GLG1: variants seen among roughly 807,000 people sequenced by gnomAD.
GLG1 encodes golgi glycoprotein 1.
In GLG1, 38 loss-of-function variants were observed where a neutral mutation model predicts 160.5. The ratio of observed to expected loss-of-function variants is 0.24; its 90% CI spans 0.18 to 0.31. The LOEUF (loss-of-function observed/expected upper bound fraction) is 0.31. Ranked by LOEUF, GLG1 falls within the 10% of genes least tolerant of loss-of-function variation. The pLI is 1.00. For missense variants in GLG1, 1,373 were observed against 1,505.2 expected, an observed-to-expected ratio of 0.91 and a Z score of 1.45; for synonymous variants, 644 against 543.4, an observed-to-expected ratio of 1.19 and a Z score of -2.57.
At chr16:74,502,614 G>A (rs2016446976) in intron 4 of GLG1, among the ~76,000 whole-genome samples, 1 of 151,586 alleles carries the variant, frequency 6.6e-6, no homozygotes, top group Non-Finnish European at 1.5e-5. Context: ...CGCGATCTCG[G>A]CTCACTGCAA....
chr16:74,603,104 ACAACAACAGCAG>A (rs1232506481), intron 1 of GLG1, among the ~76,000 whole-genome samples: 28 of 151,476 alleles, frequency 1.8e-4, no homozygotes, highest in East Asian at 5.8e-4. Context: ...AACAACAACA[ACAACAACAGCAG>A]CAGCAGCAGC....
Position 74,455,752 on chromosome 16 carries a change from G to C in GLG1, c.3372+897C>G, listed in dbSNP as rs143702331. Among the ~76,000 whole-genome samples the C allele has an allele frequency of 9.8e-5, 15 of 152,310 alleles. No homozygotes were observed. The East Asian group carries it at 2.9e-3, about 29-fold the overall frequency. On this transcript the variant is annotated intron_variant, in intron 25 of 25. Coordinates refer to ENST00000422840, the MANE Select transcript of GLG1 (RefSeq NM_001145667.2). ...TATCCCAATATGAGTCAATACAAAA[G>C]CATGGCTCTAAAAACCAGAGGGACT...
intron 3 of GLG1, among the ~76,000 whole-genome samples, chr16:74,506,204 C>G (rs1224897078): frequency 6.9e-6 from 1 of 144,930 alleles, no homozygotes; most frequent in East Asian, 2.1e-4. Context: ...GGATACAAAA[C>G]AAGACTAGTG....
At chr16:74,544,408 G>C (rs1484042884) in intron 1 of GLG1, among the ~76,000 whole-genome samples, 1 of 152,160 alleles carries the variant, frequency 6.6e-6, no homozygotes, top group Non-Finnish European at 1.5e-5. Context: ...CCACCTCCTA[G>C]GTTCACGCGA....
chr16:74,543,339 T>C (rs1567514539), intron 1 of GLG1, among the ~76,000 whole-genome samples: 1 of 152,220 alleles, frequency 6.6e-6, no homozygotes, highest in Non-Finnish European at 1.5e-5. Context: ...CAGTGGCACA[T>C]GCCTGCAGTC....
At chr16:74,566,618 C>CT (rs2018660813) in intron 1 of GLG1, among the ~76,000 whole-genome samples, 1 of 99,836 alleles carries the variant, frequency 1.0e-5, no homozygotes, top group South Asian at 4.1e-4. Flanking sequence ...CTGAGCAGGT[C>CT]TCTTTTTTTC....
intron 1 of GLG1, among the ~76,000 whole-genome samples, chr16:74,574,017 G>A (rs1359494565): frequency 6.6e-6 from 1 of 152,058 alleles, no homozygotes; most frequent in Admixed American, 6.6e-5. Context: ...CTCTTTTTAA[G>A]CTACTGACTC....
intron 2 of GLG1, among the ~76,000 whole-genome samples, chr16:74,529,508 T>C (rs1451119933): frequency 6.6e-6 from 1 of 151,758 alleles, no homozygotes; most frequent in Non-Finnish European, 1.5e-5. Context: ...TATTAGTTAT[T>C]TGAAGTCCTT....
chr16:74,531,973 T>G, intron 2 of GLG1, 148 bp downstream of exon 2: 1 of 397,524 alleles, frequency 2.5e-6, no homozygotes, highest in Non-Finnish European at 4.7e-6. Flanking sequence ...ATTTGTTGAT[T>G]TTACCAGCAT....
chr16:74,463,049 C>T (rs1379569205), intron 20 of GLG1: 1 of 451,012 alleles, frequency 2.2e-6, no homozygotes, highest in Non-Finnish European at 3.9e-6. Context: ...ATTACCCGTA[C>T]ATTCTCCTGG....
chr16:74,561,234 T>C (rs537290401), intron 1 of GLG1, among the ~76,000 whole-genome samples: 1 of 152,348 alleles, frequency 6.6e-6, no homozygotes, highest in South Asian at 2.1e-4. Context: ...GCCCCCAATA[T>C]TGGCACCTAG....
chr16:74,559,998 C>G (rs1176513501), intron 1 of GLG1, among the ~76,000 whole-genome samples: 1 of 152,186 alleles, frequency 6.6e-6, no homozygotes, highest in East Asian at 1.9e-4. Context: ...TCTGTCACAA[C>G]TAAAGAACCA....
intron 7 of GLG1, 151 bp downstream of exon 7, chr16:74,492,806 G>A (rs1597262549): frequency 2.1e-6 from 1 of 475,032 alleles, no homozygotes; most frequent in South Asian, 4.0e-5. Context: ...GCGACAGAGC[G>A]AGAGACTCCG....
At chr16:74,571,660 G>GA (rs995480043) in intron 1 of GLG1, among the ~76,000 whole-genome samples, 38 of 16,988 alleles carry the variant, frequency 2.2e-3, no homozygotes, top group Admixed American at 8.7e-3. Flanking sequence ...TCTCAAAAAG[G>GA]AAAAAAAAAA....
intron 1 of GLG1, among the ~76,000 whole-genome samples, chr16:74,536,369 T>C (rs1022620831): frequency 2.0e-5 from 3 of 152,278 alleles, no homozygotes; most frequent in African/African-American, 4.8e-5. Flanking sequence ...AGTGAAATAA[T>C]GCTCTGAGAT....
At chr16:74,565,407 T>C (rs748038064) in intron 1 of GLG1, among the ~76,000 whole-genome samples, 39 of 152,192 alleles carry the variant, frequency 2.6e-4, no homozygotes, top group Non-Finnish European at 5.0e-4. Flanking sequence ...AGCTGCCTTC[T>C]TACATATTTT....
intron 16 of GLG1, 128 bp downstream of exon 16, chr16:74,469,857 A>C (rs2015133277): frequency 2.9e-6 from 2 of 687,456 alleles, no homozygotes; most frequent in Non-Finnish European, 5.3e-6. Flanking sequence ...TAATCAAAGG[A>C]GAGATGCGGG....
chr16:74,582,701 C>G (rs893580904), intron 1 of GLG1, among the ~76,000 whole-genome samples: 5 of 151,892 alleles, frequency 3.3e-5, no homozygotes, highest in African/African-American at 1.2e-4. Flanking sequence ...CGCCTATAGT[C>G]CCAGCTACTT....
chr16:74,465,554 C>T, intron 19 of GLG1, 122 bp downstream of exon 19: 11 of 944,084 alleles, frequency 1.2e-5, no homozygotes, highest in Non-Finnish European at 1.8e-5. Flanking sequence ...GGGGGTGCTG[C>T]TGCTGCTGCT....
Sources: allele counts gnomAD v4.1 joint callset (sites outside exome capture counted in the v4.1 genomes callset), GRCh38; gene constraint gnomAD v4.1.1; transcripts MANE v1.5; gene names NCBI Gene and HGNC (gene_info 2026-07-23, HGNC 2026-07-21).